RAB11FIP1: variants seen among roughly 807,000 people sequenced by gnomAD.
RAB11FIP1 encodes the protein rab11 family-interacting protein 1.
A neutral mutation model predicts 83.1 loss-of-function variants in RAB11FIP1; 49 were observed. That is an observed-to-expected ratio of 0.59 (90% CI 0.47 to 0.75). The LOEUF is 0.75. Among genes scored for constraint, RAB11FIP1 ranks in the 30% least tolerant of loss-of-function variants. The pLI is 0.00. For synonymous variants in RAB11FIP1, 670 were observed against 656.0 expected, an observed-to-expected ratio of 1.02 and a Z score of -0.33; for missense variants, 1,536 against 1,598.7, an observed-to-expected ratio of 0.96 and a Z score of 0.67.
intron 1 of RAB11FIP1, among the ~76,000 whole-genome samples, chr8:37,887,124 A>G (rs1392357532): frequency 2.6e-5 from 4 of 152,144 alleles, no homozygotes; most frequent in Admixed American, 2.6e-4. Flanking sequence ...AAAATTCGTA[A>G]ATCATGAGAG....
Position 37,899,351 on chromosome 8 carries a change from G to T in RAB11FIP1, c.91C>A (p.Arg31=), listed in dbSNP as rs372489374. The change falls in exon 1 of 6, where the codon CGG becomes AGG. Residue 31 remains arginine (R), a synonymous_variant. Coordinates refer to ENST00000330843, the MANE Select transcript of RAB11FIP1 (RefSeq NM_001002814.3). This position sits in a 1 kb window ranked among gnomAD's most constrained non-coding sequence, Gnocchi z 4.5. The stretch of plus-strand genomic sequence containing the variant: ...CTCGTGCCCCCGGGGCCCTTGGCCC[G>T]CAGGCCCCGCGCCTGCAGCACCGTC... ...QVTVLQARGL[R]AKGPGGTSDA... 3 of 1,606,620 alleles carry T rather than the reference G, an allele frequency of 1.9e-6. No homozygotes were observed. Among genetic ancestry groups the T allele is most frequent in the East Asian group, 4.5e-5 (2 of 44,418 alleles).
At chr8:37,864,287 G>T (rs1806300477) in intron 5 of RAB11FIP1, among the ~76,000 whole-genome samples, 1 of 152,236 alleles carries the variant, frequency 6.6e-6, no homozygotes, top group Non-Finnish European at 1.5e-5. Flanking sequence ...GCTTGAACCA[G>T]GAGGAGATGT....
Position 37,875,186 on chromosome 8 carries a change from G to A in RAB11FIP1, c.951C>T (p.Val317=), listed in dbSNP as rs374633019. ...SKNDVLSRSN[V]CINGNHVYLE... is the part of the protein sequence containing the mutation. ...GGTAAACATGGTTCCCATTGATGCA[G>A]ACATTAGAGCGGGAAAGGACATCAT... Residue 317 remains valine, a synonymous_variant, in exon 3 of 6, where the codon GTC becomes GTT. Coordinates refer to ENST00000330843, the MANE Select transcript of RAB11FIP1 (RefSeq NM_001002814.3). The A allele has an allele frequency of 6.2e-7, 1 of 1,614,160 alleles. No individual in the cohort carries two copies. The highest frequency in any genetic ancestry group is 1.3e-5 in the African/African-American group (1 of 75,016).
At position 37,863,072 on chromosome 8, in the gene RAB11FIP1, C is replaced by G; in HGVS notation, c.3675G>C (p.Leu1225=). 1 of 1,612,482 alleles carries G rather than the reference C, an allele frequency of 6.2e-7. No homozygotes were observed. Among genetic ancestry groups the G allele is most frequent in the South Asian group, 1.1e-5 (1 of 90,990 alleles). The change falls in exon 6 of 6, where the codon CTG becomes CTC. Residue 1225 remains leucine, a synonymous_variant. Coordinates refer to ENST00000330843, the MANE Select transcript of RAB11FIP1 (RefSeq NM_001002814.3). ...PSDPAFAYAQ[L]THDELIQLVL... ...CCAGCTGAATCAGCTCATCGTGGGT[C>G]AGCTGCGCATATGCAAATGCAGGGT...
At chr8:37,895,168 T>C in intron 1 of RAB11FIP1, among the ~76,000 whole-genome samples, 1 of 117,008 alleles carries the variant, frequency 8.5e-6, no homozygotes, top group East Asian at 2.7e-4. Context: ...TGAGCTCAAA[T>C]GATCTTCTCA....
chr8:37,894,615 T>C (rs938299299), intron 1 of RAB11FIP1, among the ~76,000 whole-genome samples: 1 of 151,652 alleles, frequency 6.6e-6, no homozygotes, highest in African/African-American at 2.4e-5. Context: ...TTTGTTTTAA[T>C]CTATACTTAA....
Position 37,877,316 on chromosome 8 carries a change from C to T in RAB11FIP1, c.607G>A (p.Asp203Asn), listed in dbSNP as rs1397209975. ...TTGTCTTTAACCACAGACTCATCAT[C>T]ACTGTCGACCGAAGGTGTCGTGCTA... ...IPSTTPSVDSDDESVVKDKKK... is the reference protein window; with the variant it reads ...IPSTTPSVDSNDESVVKDKKK... Residue 203 changes from aspartate (D) to asparagine (N), a missense_variant, in exon 2 of 6, where the codon GAT (aspartate) becomes AAT (asparagine). Asp to Asn is a conservative substitution (Grantham distance 23, BLOSUM62 1). Coordinates refer to ENST00000330843, the MANE Select transcript of RAB11FIP1 (RefSeq NM_001002814.3). 11 of 1,614,072 alleles carry T rather than the reference C, an allele frequency of 6.8e-6. No homozygotes were observed. In the South Asian group the frequency reaches 1.2e-4, roughly 18 times the overall value.
Position 37,863,128 on chromosome 8 carries a change from A to T in RAB11FIP1, c.3634-15T>A. 1.2e-6 allele frequency: 2 copies of T among 1,600,326 alleles called. No homozygotes were observed. Among genetic ancestry groups the T allele is most frequent in the Non-Finnish European group, 1.7e-6 (2 of 1,170,794 alleles). ...GGGCTGTATTTCTTTGGAGGGGGGG[A>T]AATAGTTGGGAAAAAGGAGTTATAA... On this transcript the variant is annotated splice_polypyrimidine_tract_variant and intron_variant, in intron 5 of 5. Coordinates refer to ENST00000330843, the MANE Select transcript of RAB11FIP1 (RefSeq NM_001002814.3).
intron 1 of RAB11FIP1, among the ~76,000 whole-genome samples, chr8:37,896,833 A>C (rs896291290): frequency 2.0e-5 from 3 of 152,214 alleles, no homozygotes; most frequent in Non-Finnish European, 4.4e-5. Context: ...AGAGAAGCCC[A>C]ACAATGAGTC....
At chr8:37,870,574 A>G in intron 4 of RAB11FIP1, 46 bp from the exon 5 acceptor site, 3 of 1,057,600 alleles carry the variant, frequency 2.8e-6, no homozygotes, top group Non-Finnish European at 4.3e-6. Context: ...GGTCATGGCA[A>G]AACTGAGCAA....
intron 3 of RAB11FIP1, 117 bp downstream of exon 3, chr8:37,874,398 C>T (rs1806553791): frequency 3.7e-6 from 3 of 808,064 alleles, no homozygotes; most frequent in Admixed American, 2.4e-5. Flanking sequence ...ACCAGCAAAC[C>T]TTTGGCATAT....
chr8:37,894,247 T>C (rs1306672806), intron 1 of RAB11FIP1, among the ~76,000 whole-genome samples: 2 of 152,214 alleles, frequency 1.3e-5, no homozygotes, highest in Non-Finnish European at 2.9e-5. Context: ...CAAACACCCA[T>C]TGCTTATAAT....
Position 37,872,217 on chromosome 8 carries a change from G to A in RAB11FIP1, c.2585C>T (p.Ser862Leu). Reference sequence around the variant, plus strand: ...AGGTGTGGTCACCGATTCCCTTTCTGAGTCCTCTGCGTGGGGAGACTCAGG... The same window carrying A: ...AGGTGTGGTCACCGATTCCCTTTCTAAGTCCTCTGCGTGGGGAGACTCAGG... The part of the protein sequence containing the change: ...EPPESPHAED[S>L]ERESVTTPGP... The change falls in exon 4 of 6, where the codon TCA (serine) becomes TTA (leucine). Residue 862 changes from serine (S) to leucine (L), a missense_variant. Coordinates refer to ENST00000330843, the MANE Select transcript of RAB11FIP1 (RefSeq NM_001002814.3). 2 of 1,614,080 alleles carry A rather than the reference G, an allele frequency of 1.2e-6. No individual in the cohort carries two copies. The highest frequency in any genetic ancestry group is 1.7e-6 in the Non-Finnish European group (2 of 1,180,000).
chr8:37,862,717 G>C lies in RAB11FIP1; in HGVS notation c.*178C>G. On this transcript the variant is annotated 3_prime_UTR_variant, in exon 6 of 6. Transcript: ENST00000330843. ...AAAGCCTTGGGAATGTACAGTAAAAGATTAATTGTAATCATTAACCTGGCT... is the reference window on the plus strand; with the variant it reads ...AAAGCCTTGGGAATGTACAGTAAAACATTAATTGTAATCATTAACCTGGCT... The C allele has an allele frequency of 1.7e-6, 1 of 589,804 alleles. No homozygotes were observed. Among genetic ancestry groups the C allele is most frequent in the Non-Finnish European group, 3.0e-6 (1 of 330,238 alleles). The allele number at this position is 589,804 out of a possible 1,614,324, so 36.5% of individuals were successfully genotyped here.
rs750982689 is a variant in RAB11FIP1, at chr8:37,899,456, T to C, written c.-15A>G. 4 of 1,499,874 alleles carry C rather than the reference T, an allele frequency of 2.7e-6. No homozygotes were observed. Among genetic ancestry groups the C allele is most frequent in the South Asian group, 1.3e-5 (1 of 75,928 alleles). The allele number at this position is 1,499,874 out of a possible 1,614,324, so 92.9% of individuals were successfully genotyped here. ...ATTAGGGACATGGTGACGATAACAC[T>C]CCAGAAGCGAGGAGAAGATCGCCGC... On this transcript the variant is annotated 5_prime_UTR_variant, in exon 1 of 6. Coordinates refer to ENST00000330843, the MANE Select transcript of RAB11FIP1 (RefSeq NM_001002814.3). The surrounding 1 kb of genome is among the most constrained non-coding windows in gnomAD (Gnocchi z 4.5).
intron 1 of RAB11FIP1, among the ~76,000 whole-genome samples, chr8:37,879,689 C>A (rs1365776288): frequency 2.0e-5 from 3 of 152,172 alleles, no homozygotes; most frequent in African/African-American, 7.2e-5. Context: ...TTGTGACCAG[C>A]CTGACCAACA....
intron 4 of RAB11FIP1, chr8:37,870,748 C>A: frequency 2.1e-6 from 1 of 484,246 alleles, no homozygotes; most frequent in Non-Finnish European, 3.7e-6. Flanking sequence ...TGTCCTTGTC[C>A]AGATGTCCTG....
In RAB11FIP1 at chr8:37,873,027, G is replaced by T; in HGVS notation, c.1775C>A (p.Pro592His). The T allele has an allele frequency of 1.2e-6, 2 of 1,614,108 alleles. No individual in the cohort carries two copies. The highest frequency in any genetic ancestry group is 8.5e-7 in the Non-Finnish European group (1 of 1,180,006). The change falls in exon 4 of 6, where the codon CCT (proline) becomes CAT (histidine). Residue 592 changes from proline (P) to histidine (H), a missense_variant. Transcript: ENST00000330843. ...HGADTQSSESPSVFSSLSSPI... is the reference protein window; with the variant it reads ...HGADTQSSESHSVFSSLSSPI... ...AGATGAGAGAGAGGAGAAGACAGAAGGACTCTCAGAGGACTGTGTGTCTGC... is the reference window on the plus strand; with the variant it reads ...AGATGAGAGAGAGGAGAAGACAGAATGACTCTCAGAGGACTGTGTGTCTGC...
intron 2 of RAB11FIP1, among the ~76,000 whole-genome samples, chr8:37,876,635 CAG>C (rs1055432427): frequency 4.0e-5 from 6 of 150,974 alleles, no homozygotes; most frequent in Non-Finnish European, 7.4e-5. Context: ...AAAAAAGAAA[CAG>C]AGAGGGCATT....
Sources: gnomAD v4.1 joint callset for allele counts (sites outside exome capture counted in the v4.1 genomes callset) on GRCh38, gnomAD v4.1.1 for gene constraint, Gnocchi (gnomAD v3.1) non-coding constraint, MANE v1.5 for transcripts, NCBI Gene and HGNC (gene_info 2026-07-23, HGNC 2026-07-21) for gene names.